SLC35F3: variants seen among roughly 807,000 people sequenced by gnomAD.
The protein encoded by SLC35F3 is solute carrier family 35 member F3, also known as putative thiamine transporter SLC35F3.
SLC35F3 carries 25 observed loss-of-function variants against 49.9 expected under a neutral mutation model. The observed-to-expected ratio is 0.50, with a 90% CI of 0.37 to 0.70. SLC35F3 has a LOEUF of 0.70. Among genes scored for constraint, SLC35F3 ranks in the 30% least tolerant of loss-of-function variants. The pLI, the probability that SLC35F3 is intolerant of heterozygous loss-of-function variation, is 0.00. For synonymous variants in SLC35F3, 275 were observed against 265.4 expected (o/e 1.04, Z -0.35); for missense variants, 525 against 639.8 (o/e 0.82, Z 1.94).
At chr1:234,186,065 A>C (rs1262519949) in intron 2 of SLC35F3, among the ~76,000 whole-genome samples, 1 of 152,202 alleles carries the variant, frequency 6.6e-6, no homozygotes, top group African/African-American at 2.4e-5. Context: ...CAGAGATAGA[A>C]ACAGGCACCA....
intron 2 of SLC35F3, among the ~76,000 whole-genome samples, chr1:234,162,663 C>T (rs1303617073): frequency 6.6e-6 from 1 of 152,102 alleles, no homozygotes; most frequent in African/African-American, 2.4e-5. Flanking sequence ...CTTTACTTGA[C>T]CTATGTAGCC....
At chr1:234,024,285 G>T (rs1663943707) in intron 2 of SLC35F3, among the ~76,000 whole-genome samples, 2 of 152,028 alleles carry the variant, frequency 1.3e-5, no homozygotes, top group Non-Finnish European at 2.9e-5. Context: ...AGCAGAGAGA[G>T]TGAAGTGAGA....
At position 234,214,192 on chromosome 1, in the gene SLC35F3, G is replaced by A; in HGVS notation, c.284-17225G>A. On this transcript the variant is annotated intron_variant, in intron 2 of 7. Transcript: ENST00000366618. This position sits in a 1 kb window ranked among gnomAD's most constrained non-coding sequence, Gnocchi z 8.0. ...GGAGCAGGTGAGCTGCGGGGTGGGA[G>A]CAGGGAGTGCACTTGTACGTGACGT... 8.8e-7 allele frequency: 1 copy of A among 1,135,048 alleles called. No homozygotes were observed. The highest frequency in any genetic ancestry group is 1.1e-6 in the Non-Finnish European group (1 of 926,326). 70.3% of individuals were successfully genotyped at this position (1,135,048 alleles called of 1,614,324 possible).
intron 2 of SLC35F3, among the ~76,000 whole-genome samples, chr1:234,050,046 A>G (rs555223601): frequency 3.9e-5 from 6 of 152,306 alleles, no homozygotes; most frequent in African/African-American, 1.4e-4. Flanking sequence ...ATTGATGGAC[A>G]TTTGGGTTGG....
chr1:234,217,400 C>T (rs547679968), intron 2 of SLC35F3, among the ~76,000 whole-genome samples: 1 of 152,282 alleles, frequency 6.6e-6, no homozygotes, highest in African/African-American at 2.4e-5. Context: ...CTCTTAAGGA[C>T]GTTTTAGTCT....
chr1:234,114,730 C>T (rs1198833473), intron 2 of SLC35F3, among the ~76,000 whole-genome samples: 1 of 152,144 alleles, frequency 6.6e-6, no homozygotes, highest in Non-Finnish European at 1.5e-5. Context: ...CTTTCTTGGA[C>T]ATTTGGGGAA....
chr1:234,204,856 G>C (rs1241761090), intron 2 of SLC35F3, among the ~76,000 whole-genome samples: 1 of 152,240 alleles, frequency 6.6e-6, no homozygotes, highest in East Asian at 1.9e-4. Flanking sequence ...TTCACAGAAA[G>C]GAACAGGCTT....
In SLC35F3 at chr1:234,031,815, G is replaced by A. The variant is rs141827832; in HGVS notation, c.283+126057G>A. The stretch of plus-strand genomic sequence containing the variant: ...GGTCTCCTGCCTGTTATTCAGGTGC[G>A]TTTCTTAACTCCTAGACCCACCTTG... On this transcript the variant is annotated intron_variant, in intron 2 of 7. Coordinates refer to ENST00000366618, the MANE Select transcript of SLC35F3 (RefSeq NM_173508.4). Among the ~76,000 whole-genome samples the A allele has an allele frequency of 1.5e-3, 230 of 152,244 alleles. 3 individuals carry two copies. In the East Asian group the frequency reaches 0.035, roughly 23 times the overall value.
At chr1:234,087,588 G>A (rs562966432) in intron 2 of SLC35F3, among the ~76,000 whole-genome samples, 1 of 152,286 alleles carries the variant, frequency 6.6e-6, no homozygotes, top group Admixed American at 6.5e-5. Context: ...TCCTCCCACT[G>A]CACTGTGCTT....
intron 2 of SLC35F3, among the ~76,000 whole-genome samples, chr1:233,936,678 C>T (rs1026146531): frequency 6.6e-6 from 1 of 151,628 alleles, no homozygotes; most frequent in African/African-American, 2.4e-5. Flanking sequence ...TCTTCTTTTT[C>T]TCCATCTCCT....
At chr1:233,953,226 A>C (rs1280392648) in intron 2 of SLC35F3, among the ~76,000 whole-genome samples, 1 of 152,234 alleles carries the variant, frequency 6.6e-6, no homozygotes, top group African/African-American at 2.4e-5. Flanking sequence ...AAGAAAAGAT[A>C]CAAAAACATT....
At chr1:234,079,426 C>G (rs1340284894) in intron 2 of SLC35F3, among the ~76,000 whole-genome samples, 1 of 152,100 alleles carries the variant, frequency 6.6e-6, no homozygotes, top group Non-Finnish European at 1.5e-5. Flanking sequence ...GCACAAGCCA[C>G]TAAAGAAAAA....
chr1:234,066,734 C>G, intron 2 of SLC35F3, among the ~76,000 whole-genome samples: 1 of 150,626 alleles, frequency 6.6e-6, no homozygotes, highest in East Asian at 2.0e-4. Flanking sequence ...TCCCTCCCTC[C>G]CTTTCTCTCT....
chr1:234,099,346 T>C (rs61824595), intron 2 of SLC35F3, among the ~76,000 whole-genome samples: 21,046 of 152,194 alleles, frequency 0.14, 3,179 homozygotes, highest in East Asian at 0.81. Flanking sequence ...GCGCTGTGGC[T>C]CACGCCTGTA....
At chr1:233,978,951 G>T (rs1467745063) in intron 2 of SLC35F3, among the ~76,000 whole-genome samples, 1 of 151,716 alleles carries the variant, frequency 6.6e-6, no homozygotes, top group Admixed American at 6.6e-5. Flanking sequence ...CAGGAGAATC[G>T]CTTGAGCCTG....
chr1:234,148,989 A>G lies in SLC35F3; in HGVS notation c.284-82428A>G, dbSNP rs539370310. Among the ~76,000 whole-genome samples, 16 of 152,302 alleles carry G rather than the reference A, an allele frequency of 1.1e-4. No homozygotes were observed. In the South Asian group the frequency reaches 1.2e-3, roughly 12 times the overall value. Reference sequence around the variant, plus strand: ...AATGGGAGCAGAGATTAATGGTTCTATTTAGTATATGTGAAGTTTAAGACT... The same window carrying G: ...AATGGGAGCAGAGATTAATGGTTCTGTTTAGTATATGTGAAGTTTAAGACT... On this transcript the variant is annotated intron_variant, in intron 2 of 7. Transcript: ENST00000366618.
rs142546086 is a variant in SLC35F3, at chr1:233,969,714, C to T, written c.283+63956C>T. 2.8e-4 allele frequency among the ~76,000 whole-genome samples: 43 copies of T among 152,332 alleles called. 1 individual carries two copies. The highest frequency in any genetic ancestry group is 5.0e-4 in the Non-Finnish European group (34 of 68,036). Reference sequence around the variant, plus strand: ...GCTAAGAAAGACCTGAAATAGTAATCGTATGAAAAGATAAGTCTCTGTTTT... The same window carrying T: ...GCTAAGAAAGACCTGAAATAGTAATTGTATGAAAAGATAAGTCTCTGTTTT... On this transcript the variant is annotated intron_variant, in intron 2 of 7. Coordinates refer to ENST00000366618, the MANE Select transcript of SLC35F3 (RefSeq NM_173508.4).
chr1:234,080,930 T>TA (rs1408182710), intron 2 of SLC35F3, among the ~76,000 whole-genome samples: 2 of 152,170 alleles, frequency 1.3e-5, no homozygotes, highest in Non-Finnish European at 2.9e-5. Flanking sequence ...TTTATCTCAA[T>TA]AAAAAATTGC....
At chr1:234,245,816 T>A (rs1472929056) in intron 3 of SLC35F3, among the ~76,000 whole-genome samples, 2 of 152,222 alleles carry the variant, frequency 1.3e-5, no homozygotes, top group Admixed American at 6.5e-5. Context: ...TGGTCCGTGG[T>A]AATCACACTG....
Sources: allele counts gnomAD v4.1 joint callset (sites outside exome capture counted in the v4.1 genomes callset), GRCh38; gene constraint gnomAD v4.1.1; non-coding constraint Gnocchi (gnomAD v3.1); transcripts MANE v1.5; gene names NCBI Gene and HGNC (gene_info 2026-07-23, HGNC 2026-07-21).